Variants in GRM8 observed in about 807,000 individuals in gnomAD.
GRM8 encodes glutamate metabotropic receptor 8, also known as metabotropic glutamate receptor 8.
Under a neutral mutation model 87.2 loss-of-function variants are expected in GRM8, and 47 were observed. The ratio of observed to expected loss-of-function variants is 0.54; its 90% CI spans 0.43 to 0.69. GRM8 has a LOEUF of 0.69. Among genes scored for constraint, GRM8 ranks in the 30% least tolerant of loss-of-function variants. The pLI, the probability that GRM8 is intolerant of heterozygous loss-of-function variation, is 0.00. For synonymous variants in GRM8, 396 were observed against 404.5 expected, an observed-to-expected ratio of 0.98 and a Z score of 0.25; for missense variants, 1,019 against 1,139.2, an observed-to-expected ratio of 0.89 and a Z score of 1.52.
intron 2 of GRM8, among the ~76,000 whole-genome samples, chr7:127,161,001 G>A (rs28537455): frequency 0.016 from 2,495 of 152,214 alleles, 73 homozygotes; most frequent in African/African-American, 0.054. Flanking sequence ...AGTCAAGGAC[G>A]ATGGTTATTT....
At chr7:126,575,660 A>C (rs916757109) in intron 8 of GRM8, among the ~76,000 whole-genome samples, 1 of 152,162 alleles carries the variant, frequency 6.6e-6, no homozygotes, top group Non-Finnish European at 1.5e-5. Flanking sequence ...TTGAATAATC[A>C]GATGTCAATG....
chr7:126,602,693 C>A (rs1198523716), intron 8 of GRM8, among the ~76,000 whole-genome samples: 1 of 151,206 alleles, frequency 6.6e-6, no homozygotes, highest in Non-Finnish European at 1.5e-5. Context: ...CTCTTTGAAG[C>A]AATTGTGAAT....
intron 6 of GRM8, among the ~76,000 whole-genome samples, chr7:126,829,005 A>T (rs946566968): frequency 6.6e-6 from 1 of 151,976 alleles, no homozygotes; most frequent in Non-Finnish European, 1.5e-5. Flanking sequence ...CATGTAGTTG[A>T]GAGGTTTTGA....
At chr7:126,796,333 G>GA (rs138880051) in intron 6 of GRM8, among the ~76,000 whole-genome samples, 3,391 of 151,600 alleles carry the variant, frequency 0.022, 141 homozygotes, top group African/African-American at 0.078. Flanking sequence ...TCTTGCTTCT[G>GA]AAAAAAAAGT....
chr7:127,026,250 G>A (rs1816765599), intron 3 of GRM8, among the ~76,000 whole-genome samples: 1 of 152,120 alleles, frequency 6.6e-6, no homozygotes, highest in Non-Finnish European at 1.5e-5. Context: ...GTCTATCATT[G>A]TTGGACATTT....
intron 7 of GRM8, among the ~76,000 whole-genome samples, chr7:126,624,259 T>G (rs146921357): frequency 0.012 from 1,863 of 152,310 alleles, 39 homozygotes; most frequent in African/African-American, 0.042. Flanking sequence ...ATTTATCTGA[T>G]CTTGCTCATT....
At chr7:126,957,033 C>T (rs1392491805) in intron 3 of GRM8, among the ~76,000 whole-genome samples, 2 of 152,218 alleles carry the variant, frequency 1.3e-5, no homozygotes, top group South Asian at 2.1e-4. Flanking sequence ...GACAGGACCA[C>T]GGTGTGAACA....
In GRM8 at chr7:126,941,140, C is replaced by T. The variant is rs375620095; in HGVS notation, c.728-36457G>A. 6.6e-5 allele frequency among the ~76,000 whole-genome samples: 10 copies of T among 152,216 alleles called. No individual in the cohort carries two copies. The East Asian group carries it at 1.7e-3, about 26-fold the overall frequency. ...CATCATACATGGGGACTTCCCAGTG[C>T]CCTGCACTGCTTTGGCCATGTGCTT... On this transcript the variant is annotated intron_variant, in intron 3 of 10. Transcript: ENST00000339582.
At chr7:126,558,330 A>G (rs1793363376) in intron 8 of GRM8, among the ~76,000 whole-genome samples, 1 of 152,188 alleles carries the variant, frequency 6.6e-6, no homozygotes, top group African/African-American at 2.4e-5. Context: ...CAATTGAAGA[A>G]AATTACACAA....
chr7:126,696,076 T>A (rs775585228), intron 7 of GRM8, among the ~76,000 whole-genome samples: 1 of 152,150 alleles, frequency 6.6e-6, no homozygotes, highest in South Asian at 2.1e-4. Context: ...GGAGTAACAG[T>A]GTGAAAGAAG....
At chr7:127,163,382 G>C (rs2116243869) in intron 2 of GRM8, among the ~76,000 whole-genome samples, 1 of 152,292 alleles carries the variant, frequency 6.6e-6, no homozygotes, top group Non-Finnish European at 1.5e-5. Flanking sequence ...GGCAGTGACT[G>C]TTTCTCTGCT....
chr7:126,886,615 C>T (rs1157090949), intron 6 of GRM8, among the ~76,000 whole-genome samples: 9 of 152,044 alleles, frequency 5.9e-5, no homozygotes, highest in Non-Finnish European at 8.8e-5. Flanking sequence ...TCCATTAATG[C>T]CTACAGATTA....
intron 6 of GRM8, among the ~76,000 whole-genome samples, chr7:126,832,306 A>G (rs1795467314): frequency 6.6e-6 from 1 of 152,164 alleles, no homozygotes; most frequent in Admixed American, 6.5e-5. Context: ...TGGTTTTATG[A>G]TATCAATTTT....
intron 7 of GRM8, among the ~76,000 whole-genome samples, chr7:126,710,501 G>A (rs551082651): frequency 1.1e-4 from 16 of 152,268 alleles, no homozygotes; most frequent in Admixed American, 7.8e-4. Context: ...ACCTTCAACA[G>A]AAGTAGATTC....
intron 8 of GRM8, among the ~76,000 whole-genome samples, chr7:126,550,258 G>A (rs1407889119): frequency 6.6e-6 from 1 of 151,898 alleles, no homozygotes; most frequent in Admixed American, 6.6e-5. Flanking sequence ...GGGACTACAG[G>A]CACACGCCAC....
intron 7 of GRM8, among the ~76,000 whole-genome samples, chr7:126,662,327 C>T (rs888838857): frequency 4.6e-5 from 7 of 152,024 alleles, no homozygotes; most frequent in Middle Eastern, 3.2e-3. Context: ...GTGTCTATGA[C>T]ATCTTAAGCC....
intron 3 of GRM8, among the ~76,000 whole-genome samples, chr7:127,049,159 T>C (rs1400575491): frequency 6.6e-6 from 1 of 152,170 alleles, no homozygotes; most frequent in South Asian, 2.1e-4. Context: ...TCTTGCACAC[T>C]GTAAATATCT....
At chr7:126,807,662 C>T (rs576171716) in intron 6 of GRM8, among the ~76,000 whole-genome samples, 1 of 152,184 alleles carries the variant, frequency 6.6e-6, no homozygotes, top group East Asian at 1.9e-4. Flanking sequence ...CCTACATTTT[C>T]CAAATGATTC....
At chr7:126,941,334 G>A (rs1018403538) in intron 3 of GRM8, among the ~76,000 whole-genome samples, 9 of 151,870 alleles carry the variant, frequency 5.9e-5, no homozygotes, top group South Asian at 2.1e-4. Flanking sequence ...CAGGCCTTGC[G>A]CGGTGACTCA....
Sources: gnomAD v4.1 joint callset for allele counts (sites outside exome capture counted in the v4.1 genomes callset) on GRCh38, gnomAD v4.1.1 for gene constraint, MANE v1.5 for transcripts, NCBI Gene and HGNC (gene_info 2026-07-23, HGNC 2026-07-21) for gene names.